The following ZNF267 variants were observed in gnomAD, a reference collection of about 807,000 sequenced individuals.
The protein encoded by ZNF267 is zinc finger protein 267.
ZNF267 carries 61 observed loss-of-function variants against 71.6 expected under a neutral mutation model. The observed-to-expected ratio is 0.85, with a 90% CI of 0.69 to 1.05. ZNF267 has a LOEUF of 1.05. Ranked by LOEUF, ZNF267 falls within the 50% of genes least tolerant of loss-of-function variation. The probability of loss-of-function intolerance (pLI) is 0.00; values close to 1 mark genes in which losing one functional copy is unlikely to be tolerated. For synonymous variants in ZNF267, 288 were observed against 293.2 expected (o/e 0.98, Z 0.18); for missense variants, 852 against 870.0 (o/e 0.98, Z 0.26).
At chr16:31,875,198 T>A in intron 1 of ZNF267, 1 of 1,289,218 alleles carries the variant, frequency 7.8e-7, no homozygotes, top group Non-Finnish European at 1.0e-6. Flanking sequence ...GTTCCTGAAT[T>A]TCAGAACTGT....
At chr16:31,902,722 G>A (rs916513686) in intron 3 of ZNF267, among the ~76,000 whole-genome samples, 28 of 152,126 alleles carry the variant, frequency 1.8e-4, no homozygotes, top group African/African-American at 4.3e-4. Flanking sequence ...TAGATATACA[G>A]TCATGTCATC....
At chr16:31,891,366 C>T (rs1449574704) in intron 3 of ZNF267, among the ~76,000 whole-genome samples, 1 of 152,134 alleles carries the variant, frequency 6.6e-6, no homozygotes, top group Non-Finnish European at 1.5e-5. Flanking sequence ...GTGATTTGTA[C>T]ACTAACGTTA....
At chr16:31,877,559 T>C (rs1450537718) in intron 1 of ZNF267, among the ~76,000 whole-genome samples, 2 of 152,154 alleles carry the variant, frequency 1.3e-5, no homozygotes, top group Non-Finnish European at 2.9e-5. Context: ...GCTGTGAGTG[T>C]GTCAAAGTCC....
intron 3 of ZNF267, among the ~76,000 whole-genome samples, chr16:31,907,897 G>T (rs1896555224): frequency 6.6e-6 from 1 of 151,622 alleles, no homozygotes; most frequent in South Asian, 2.1e-4. Context: ...AAAAAAATTA[G>T]CCGGGTGTGG....
chr16:31,915,112 T>C lies in ZNF267; in HGVS notation c.863T>C (p.Ile288Thr). The C allele has an allele frequency of 6.2e-7, 1 of 1,613,440 alleles. No homozygotes were observed. Among genetic ancestry groups the C allele is most frequent in the Non-Finnish European group, 8.5e-7 (1 of 1,179,806 alleles). ...TTAAAACATATTCAACATCAGACCATCCATATCAGAGAAAACTCATATAGC... is the reference window on the plus strand; with the variant it reads ...TTAAAACATATTCAACATCAGACCACCCATATCAGAGAAAACTCATATAGC... ...QSLKHIQHQT[I>T]HIRENSYSYN... is the part of the protein sequence containing the mutation. Residue 288 changes from isoleucine (I) to threonine (T), a missense_variant, in exon 4 of 4, where the codon ATC (isoleucine) becomes ACC (threonine). Ile to Thr is a moderately conservative substitution (Grantham distance 89). Transcript: ENST00000300870.
At chr16:31,895,623 C>A (rs2083992810) in intron 3 of ZNF267, among the ~76,000 whole-genome samples, 1 of 152,152 alleles carries the variant, frequency 6.6e-6, no homozygotes, top group Non-Finnish European at 1.5e-5. Context: ...ACCTCCTCAC[C>A]AACACATTTT....
intron 3 of ZNF267, among the ~76,000 whole-genome samples, chr16:31,887,608 C>CT (rs1427647736): frequency 6.6e-6 from 1 of 152,102 alleles, no homozygotes; most frequent in Non-Finnish European, 1.5e-5. Context: ...CAGATGACTA[C>CT]TTTCTTTCAG....
In ZNF267 at chr16:31,915,824, T is replaced by C; in HGVS notation, c.1575T>C (p.Cys525=). 1 of 1,613,540 alleles carries C rather than the reference T, an allele frequency of 6.2e-7. No individual in the cohort carries two copies. Among genetic ancestry groups the C allele is most frequent in the Admixed American group, 1.7e-5 (1 of 60,018 alleles). ...TGENLYKCKV[C]AKPFTCFSNL... Reference sequence around the variant, plus strand: ...AAAATCTTTACAAATGCAAAGTATGTGCTAAACCTTTTACTTGTTTCTCAA... The same window carrying C: ...AAAATCTTTACAAATGCAAAGTATGCGCTAAACCTTTTACTTGTTTCTCAA... The change falls in exon 4 of 4, where the codon TGT becomes TGC. Residue 525 remains cysteine, a synonymous_variant. Coordinates refer to ENST00000300870, the MANE Select transcript of ZNF267 (RefSeq NM_003414.6).
chr16:31,910,051 T>C (rs1289474267), intron 3 of ZNF267, among the ~76,000 whole-genome samples: 3 of 152,254 alleles, frequency 2.0e-5, no homozygotes, highest in Non-Finnish European at 4.4e-5. Flanking sequence ...ATTCTGTTGA[T>C]GTATCATACT....
intron 3 of ZNF267, among the ~76,000 whole-genome samples, chr16:31,888,955 A>G (rs2083941743): frequency 6.6e-6 from 1 of 151,898 alleles, no homozygotes; most frequent in Non-Finnish European, 1.5e-5. Flanking sequence ...TTTAAATTGG[A>G]AGATTTCTGA....
At chr16:31,886,875 C>T (rs2083927842) in intron 3 of ZNF267, among the ~76,000 whole-genome samples, 1 of 152,138 alleles carries the variant, frequency 6.6e-6, no homozygotes. Flanking sequence ...TTTGGTTATA[C>T]AATTAGAAGT....
Position 31,917,224 on chromosome 16 carries a change from A to C in ZNF267, c.*743A>C, listed in dbSNP as rs186289646. 22 of 152,216 alleles carry C rather than the reference A, an allele frequency of 1.4e-4. No homozygotes were observed. The highest frequency in any genetic ancestry group is 5.9e-4 in the Admixed American group (9 of 15,286). 9.4% of individuals were successfully genotyped at this position (152,216 alleles called of 1,614,324 possible). On this transcript the variant is annotated 3_prime_UTR_variant, in exon 4 of 4. Transcript: ENST00000300870. ...CATTAATATCAGCATTTTTCATGGA[A>C]GTTTAATGCCAAATGTAAAACACAT...
intron 3 of ZNF267, among the ~76,000 whole-genome samples, 173 bp downstream of exon 3, chr16:31,885,429 G>C (rs1189697572): frequency 4.6e-5 from 7 of 152,184 alleles, no homozygotes; most frequent in African/African-American, 1.7e-4. Context: ...CCATGCTCTT[G>C]AATTATCTGA....
chr16:31,909,580 G>T (rs1478343970), intron 3 of ZNF267, among the ~76,000 whole-genome samples: 1 of 152,068 alleles, frequency 6.6e-6, no homozygotes, highest in East Asian at 1.9e-4. Flanking sequence ...CAGATTCTCT[G>T]TTGGCATATA....
chr16:31,910,458 C>A (rs2084127027), intron 3 of ZNF267, among the ~76,000 whole-genome samples: 1 of 151,418 alleles, frequency 6.6e-6, no homozygotes, highest in Non-Finnish European at 1.5e-5. Context: ...TTTTGGATTT[C>A]TTCGTTGTTT....
intron 1 of ZNF267, among the ~76,000 whole-genome samples, chr16:31,880,017 C>T (rs572481746): frequency 2.6e-5 from 4 of 152,254 alleles, no homozygotes; most frequent in African/African-American, 9.6e-5. Context: ...GGGCTGTCTC[C>T]TCTAGTTTTC....
intron 3 of ZNF267, among the ~76,000 whole-genome samples, chr16:31,906,266 A>T (rs545176042): frequency 1.3e-5 from 2 of 152,272 alleles, no homozygotes; most frequent in South Asian, 2.1e-4. Flanking sequence ...CTCAGATCTC[A>T]AGCTGTGTGC....
intron 3 of ZNF267, among the ~76,000 whole-genome samples, chr16:31,890,845 C>T (rs1488089731): frequency 1.3e-5 from 2 of 152,194 alleles, no homozygotes; most frequent in Non-Finnish European, 2.9e-5. Context: ...TTAAAGATCC[C>T]ACCTCTTAAT....
chr16:31,884,240 GTA>G, intron 1 of ZNF267, among the ~76,000 whole-genome samples: 1 of 152,240 alleles, frequency 6.6e-6, no homozygotes, highest in East Asian at 1.9e-4. Flanking sequence ...ACCCAAAAAT[GTA>G]TATTCCTGTG....
Sources: allele counts gnomAD v4.1 joint callset (sites outside exome capture counted in the v4.1 genomes callset), GRCh38; gene constraint gnomAD v4.1.1; transcripts MANE v1.5; gene names NCBI Gene and HGNC (gene_info 2026-07-23, HGNC 2026-07-21).